Variants in ADAM32 observed in about 807,000 individuals in gnomAD.
ADAM32 encodes the protein disintegrin and metalloproteinase domain-containing protein 32.
In ADAM32, 89 loss-of-function variants were observed where a neutral mutation model predicts 114.9. The observed-to-expected ratio is 0.77, with a 90% CI of 0.65 to 0.92. The LOEUF (loss-of-function observed/expected upper bound fraction) is 0.92. ADAM32 is among the 40% of genes least tolerant of loss of function. The probability of loss-of-function intolerance (pLI) is 0.00; values close to 1 mark genes in which losing one functional copy is unlikely to be tolerated. For missense variants in ADAM32, 870 were observed against 932.8 expected (o/e 0.93, Z 0.88); for synonymous variants, 285 against 307.5 (o/e 0.93, Z 0.77).
Position 39,257,283 on chromosome 8 carries a change from T to C in ADAM32, c.2102T>C (p.Val701Ala). 1 of 1,613,288 alleles carries C rather than the reference T, an allele frequency of 6.2e-7. No individual in the cohort carries two copies. The highest frequency in any genetic ancestry group is 8.5e-7 in the Non-Finnish European group (1 of 1,179,482). The change falls in exon 19 of 25, where the codon GTT becomes GCT. Residue 701 changes from valine (V) to alanine (A), a missense_variant. Physicochemically the swap from Val to Ala is moderately conservative, Grantham distance 64. Coordinates refer to ENST00000379907, the MANE Select transcript of ADAM32 (RefSeq NM_145004.7). ...ATTCTCATTGTAACAACCGCAATAG[T>C]TTTGGCAAGGAAACAGTTGAAAAAG... ...LPILIVTTAI[V>A]LARKQLKKWF...
At chr8:39,233,356 C>T (rs1809872901) in intron 15 of ADAM32, among the ~76,000 whole-genome samples, 1 of 152,114 alleles carries the variant, frequency 6.6e-6, no homozygotes, top group Non-Finnish European at 1.5e-5. Flanking sequence ...CTTTGTAGAC[C>T]ATATCGGGTA....
intron 19 of ADAM32, among the ~76,000 whole-genome samples, chr8:39,269,598 G>A (rs911960919): frequency 6.6e-6 from 1 of 152,134 alleles, no homozygotes; most frequent in South Asian, 2.1e-4. Context: ...ATCTCTGTGA[G>A]GAGTCTAAAT....
chr8:39,254,664 A>G lies in ADAM32; in HGVS notation c.2005+148A>G, dbSNP rs529581465. The G allele has an allele frequency of 7.2e-6, 4 of 553,112 alleles. No individual in the cohort carries two copies. The African/African-American group carries it at 7.9e-5, about 11-fold the overall frequency. The allele number at this position is 553,112 out of a possible 1,614,324, so 34.3% of individuals were successfully genotyped here. ...AATTCTCTCAAGGAATGGAAACCAA[A>G]CATGCCATCTTAATCTTGCTCTCTT... is the stretch of plus-strand genomic sequence containing the variant. On this transcript the variant is annotated intron_variant, in intron 18 of 24. Coordinates refer to ENST00000379907, the MANE Select transcript of ADAM32 (RefSeq NM_145004.7).
At chr8:39,158,358 T>G in intron 6 of ADAM32, 1 of 175,736 alleles carries the variant, frequency 5.7e-6, no homozygotes, top group South Asian at 1.2e-4. Context: ...TAGAAGTGCC[T>G]TTTGCACTCA....
chr8:39,161,167 A>G (rs1449352212), intron 7 of ADAM32, among the ~76,000 whole-genome samples: 2 of 152,234 alleles, frequency 1.3e-5, no homozygotes, highest in Non-Finnish European at 2.9e-5. Flanking sequence ...AAATACTTAC[A>G]CAACAGTACT....
At chr8:39,207,005 T>A (rs1465421226) in intron 11 of ADAM32, among the ~76,000 whole-genome samples, 6 of 152,108 alleles carry the variant, frequency 3.9e-5, no homozygotes. Context: ...CCTATACTAA[T>A]CTCAGAGCCT....
intron 1 of ADAM32, 45 bp downstream of exon 1, chr8:39,107,878 CT>C (rs1839991602): frequency 1.3e-6 from 2 of 1,488,540 alleles, no homozygotes; most frequent in Admixed American, 4.8e-5. Flanking sequence ...GCTCGTCACA[CT>C]GCGGCCCGAC....
chr8:39,146,255 T>C (rs1803498351), intron 3 of ADAM32, among the ~76,000 whole-genome samples: 1 of 152,134 alleles, frequency 6.6e-6, no homozygotes, highest in Non-Finnish European at 1.5e-5. Flanking sequence ...GAACTTAGAC[T>C]GGACGTTTCA....
At chr8:39,109,595 T>A (rs1020966191) in intron 1 of ADAM32, among the ~76,000 whole-genome samples, 1 of 151,688 alleles carries the variant, frequency 6.6e-6, no homozygotes, top group Non-Finnish European at 1.5e-5. Context: ...TTTTTTAGAG[T>A]ACGTTTAGGT....
intron 16 of ADAM32, among the ~76,000 whole-genome samples, chr8:39,245,001 T>C (rs1238655443): frequency 6.6e-6 from 1 of 151,856 alleles, no homozygotes; most frequent in Non-Finnish European, 1.5e-5. Context: ...CAAAGATAAA[T>C]AGATGGGACT....
chr8:39,261,190 A>G (rs1812000913), intron 19 of ADAM32, among the ~76,000 whole-genome samples: 1 of 152,166 alleles, frequency 6.6e-6, no homozygotes, highest in Non-Finnish European at 1.5e-5. Flanking sequence ...AACTTTGTAG[A>G]CTTTAGCAAA....
chr8:39,114,041 T>C (rs542645130), intron 1 of ADAM32, among the ~76,000 whole-genome samples: 1 of 152,322 alleles, frequency 6.6e-6, no homozygotes, highest in African/African-American at 2.4e-5. Flanking sequence ...AACTAACTAA[T>C]GAGACTTTAA....
intron 3 of ADAM32, among the ~76,000 whole-genome samples, chr8:39,142,039 A>C (rs192505528): frequency 2.3e-4 from 35 of 151,428 alleles, no homozygotes; most frequent in African/African-American, 8.2e-4. Flanking sequence ...TTTGTTTTCC[A>C]TTTGCTTGGT....
rs537222951 is a variant in ADAM32 at position 39,196,744 on chromosome 8, G to A, written c.1052+9699G>A. Among the ~76,000 whole-genome samples the A allele has an allele frequency of 3.9e-5, 6 of 151,988 alleles. No individual in the cohort carries two copies. The South Asian group carries it at 6.2e-4, about 16-fold the overall frequency. On this transcript the variant is annotated intron_variant, in intron 11 of 24. Transcript: ENST00000379907. ...GTTGTTGGATTAGGTTTACTAATAC[G>A]TTGTTGAGAATTTTTGTGTCTATGT...
chr8:39,232,536 C>T (rs1251920738), intron 15 of ADAM32, among the ~76,000 whole-genome samples: 1 of 152,070 alleles, frequency 6.6e-6, no homozygotes, highest in Admixed American at 6.6e-5. Flanking sequence ...TTTATTTTTA[C>T]AAAACATCTC....
At chr8:39,138,771 C>T (rs961918468) in intron 3 of ADAM32, among the ~76,000 whole-genome samples, 1 of 152,188 alleles carries the variant, frequency 6.6e-6, no homozygotes, top group Non-Finnish European at 1.5e-5. Context: ...AATGGTTGAA[C>T]TAATTTACAC....
intron 17 of ADAM32, among the ~76,000 whole-genome samples, chr8:39,252,354 T>A (rs768994005): frequency 6.7e-6 from 1 of 150,024 alleles, no homozygotes; most frequent in Non-Finnish European, 1.5e-5. Context: ...TGAACAACCA[T>A]TGGGCTAAAC....
intron 15 of ADAM32, 78 bp from the exon 16 acceptor site, chr8:39,233,821 C>A: frequency 1.0e-6 from 1 of 988,554 alleles, no homozygotes; most frequent in Non-Finnish European, 1.3e-6. Context: ...ATTCTTTTTG[C>A]ATCACAGAAA....
chr8:39,227,479 C>T (rs902101417), intron 14 of ADAM32, among the ~76,000 whole-genome samples: 14 of 152,140 alleles, frequency 9.2e-5, no homozygotes, highest in African/African-American at 3.4e-4. Context: ...AGACTCGGGG[C>T]TGTTAAATTG....
Sources: gnomAD v4.1 joint callset for allele counts (sites outside exome capture counted in the v4.1 genomes callset) on GRCh38, gnomAD v4.1.1 for gene constraint, MANE v1.5 for transcripts, NCBI Gene and HGNC (gene_info 2026-07-23, HGNC 2026-07-21) for gene names.